Variants in ERLIN2 observed in about 807,000 individuals in gnomAD.
ERLIN2 encodes the protein ER lipid raft associated 2.
A neutral mutation model predicts 41.5 loss-of-function variants in ERLIN2; 22 were observed. That is an observed-to-expected ratio of 0.53 (90% CI 0.38 to 0.76). The LOEUF (loss-of-function observed/expected upper bound fraction) is 0.76. ERLIN2 is among the 30% of genes least tolerant of loss of function. The pLI, the probability that ERLIN2 is intolerant of heterozygous loss-of-function variation, is 0.00. For missense variants in ERLIN2, 247 were observed against 414.3 expected (o/e 0.60, Z 3.51); for synonymous variants, 149 against 150.9 (o/e 0.99, Z 0.09).
At chr8:37,753,388 A>G in intron 10 of ERLIN2, 62 bp from the exon 11 acceptor site, 1 of 1,399,106 alleles carries the variant, frequency 7.1e-7, no homozygotes, top group Non-Finnish European at 1.0e-6. Context: ...TAGCCTCTGC[A>G]CTTCCTGCAA....
At chr8:37,750,257 C>T in intron 8 of ERLIN2, 138 bp from the exon 9 acceptor site, 1 of 713,236 alleles carries the variant, frequency 1.4e-6, no homozygotes, top group Non-Finnish European at 2.5e-6. Context: ...TCAGCTTTTA[C>T]CTGGGCCATC....
At chr8:37,752,848 T>C (rs1405654606) in intron 10 of ERLIN2, among the ~76,000 whole-genome samples, 1 of 152,232 alleles carries the variant, frequency 6.6e-6, no homozygotes, top group Non-Finnish European at 1.5e-5. Context: ...TGTAATTCTC[T>C]CTCAGAATCG....
At chr8:37,751,404 T>C (rs1424416707) in intron 9 of ERLIN2, among the ~76,000 whole-genome samples, 2 of 152,264 alleles carry the variant, frequency 1.3e-5, no homozygotes, top group Non-Finnish European at 2.9e-5. Flanking sequence ...TTAGGGCTCA[T>C]GCTTCCTATG....
chr8:37,744,913 C>G (rs1006155487), intron 6 of ERLIN2: 2 of 691,912 alleles, frequency 2.9e-6, no homozygotes, highest in African/African-American at 3.5e-5. Flanking sequence ...GCTTTGGGCA[C>G]AGGGACCATA....
At chr8:37,746,276 AT>A (rs1474333557) in intron 6 of ERLIN2, 4 of 985,314 alleles carry the variant, frequency 4.1e-6, no homozygotes, top group Non-Finnish European at 4.8e-6. Context: ...AAGCTGCATA[AT>A]TTTCATCACT....
chr8:37,744,440 A>G (rs1195307097), intron 5 of ERLIN2, 24 bp downstream of exon 5: 2 of 1,612,384 alleles, frequency 1.2e-6, no homozygotes, highest in South Asian at 2.2e-5. Context: ...GTTTATTCCC[A>G]CCACCAGCTC....
chr8:37,750,087 G>C, intron 8 of ERLIN2: 1 of 631,422 alleles, frequency 1.6e-6, no homozygotes, highest in Non-Finnish European at 2.8e-6. Flanking sequence ...TTTGAAAAGG[G>C]CCAGGGGGCC....
rs1274046025 is a variant in ERLIN2, at chr8:37,755,380, A to T, written c.*1265A>T. 1.3e-5 allele frequency: 2 copies of T among 152,242 alleles called. No homozygotes were observed. The highest frequency in any genetic ancestry group is 4.8e-5 in the African/African-American group (2 of 41,444). 9.4% of individuals were successfully genotyped at this position (152,242 alleles called of 1,614,324 possible). A position where few individuals can be genotyped will look rare whatever the true frequency, so the allele number is the denominator to read the frequency against. ...AGGATGGGGAGAGCAAATTTGAACA[A>T]AAGGTTTTTCTTATATCCTGAGATT... is the stretch of plus-strand genomic sequence containing the variant. On this transcript the variant is annotated 3_prime_UTR_variant, in exon 12 of 12. Transcript: ENST00000519638.
intron 4 of ERLIN2, among the ~76,000 whole-genome samples, chr8:37,742,789 C>T (rs568932943): frequency 1.3e-3 from 200 of 152,202 alleles, no homozygotes; most frequent in African/African-American, 4.4e-3. Flanking sequence ...ACCTGCACAT[C>T]CTGCACATGT....
Position 37,756,752 on chromosome 8 carries a change from TA to T in ERLIN2, c.*2641del, listed in dbSNP as rs1209218434. On this transcript the variant is annotated 3_prime_UTR_variant, in exon 12 of 12. Coordinates refer to ENST00000519638, the MANE Select transcript of ERLIN2 (RefSeq NM_007175.8). ...TTAAAACATTTGAATTCTAAACATG[TA>T]AAATGTGACAGCCTGCAATTTTGTA... 2.6e-5 allele frequency: 4 copies of T among 152,766 alleles called. No homozygotes were observed. The highest frequency in any genetic ancestry group is 9.6e-5 in the African/African-American group (4 of 41,578). 9.5% of individuals were successfully genotyped at this position (152,766 alleles called of 1,614,324 possible).
At chr8:37,745,467 C>T in intron 6 of ERLIN2, 5 of 1,129,598 alleles carry the variant, frequency 4.4e-6, no homozygotes, top group Non-Finnish European at 6.7e-6. Context: ...AACTTGTTTG[C>T]AGTCAAGTAT....
At position 37,757,642 on chromosome 8, in the gene ERLIN2, T is replaced by A. The variant is rs889897811; in HGVS notation, c.*3527T>A. 3.3e-5 allele frequency: 5 copies of A among 152,254 alleles called. No individual in the cohort carries two copies. The highest frequency in any genetic ancestry group is 4.8e-5 in the African/African-American group (2 of 41,454). The allele number at this position is 152,254 out of a possible 1,614,324, so 9.4% of individuals were successfully genotyped here. On this transcript the variant is annotated 3_prime_UTR_variant, in exon 12 of 12. Transcript: ENST00000519638. ...ATTTATGTCTTAGTTTTATTTGCAG[T>A]CTTGCTAAGTAAAATGAGTCTTTGT...
intron 8 of ERLIN2, 130 bp from the exon 9 acceptor site, chr8:37,750,265 A>G (rs2129713414): frequency 2.7e-6 from 2 of 736,404 alleles, no homozygotes; most frequent in East Asian, 5.4e-5. Context: ...TACCTGGGCC[A>G]TCGAACAGCC....
chr8:37,757,504 T>C lies in ERLIN2; in HGVS notation c.*3389T>C, dbSNP rs1803387571. ...AGCCCCAAGGGCTTAATGACCCCAT[T>C]TGTAACTGAGAAATGATTCTTGTTT... On this transcript the variant is annotated 3_prime_UTR_variant, in exon 12 of 12. Transcript: ENST00000519638. 1 of 152,170 alleles carries C rather than the reference T, an allele frequency of 6.6e-6. No homozygotes were observed. The highest frequency in any genetic ancestry group is 6.5e-5 in the Admixed American group (1 of 15,276). 9.4% of individuals were successfully genotyped at this position (152,170 alleles called of 1,614,324 possible). A position where few individuals can be genotyped will look rare whatever the true frequency, so the allele number is the denominator to read the frequency against.
At chr8:37,737,785 C>A in intron 1 of ERLIN2, 123 bp from the exon 2 acceptor site, 2 of 1,131,288 alleles carry the variant, frequency 1.8e-6, no homozygotes, top group Non-Finnish European at 2.6e-6. Context: ...GCCTTGTGTT[C>A]ACACGACACC....
At chr8:37,740,276 G>T in intron 2 of ERLIN2, 89 bp from the exon 3 acceptor site, 1 of 859,310 alleles carries the variant, frequency 1.2e-6, no homozygotes, top group Non-Finnish European at 2.0e-6. Context: ...TGTTTATAGG[G>T]CTGAAGGGAA....
rs1355195427 is a variant in ERLIN2 at position 37,757,014 on chromosome 8, A to C, written c.*2899A>C. On this transcript the variant is annotated 3_prime_UTR_variant, in exon 12 of 12. Transcript: ENST00000519638. ...TATTAATAATTTTTATATAACTAAA[A>C]TAAAATAGATGTGGAGGGATCTGTG... 1 of 152,222 alleles carries C rather than the reference A, an allele frequency of 6.6e-6. No homozygotes were observed. The highest frequency in any genetic ancestry group is 2.4e-5 in the African/African-American group (1 of 41,462). The allele number at this position is 152,222 out of a possible 1,614,324, so 9.4% of individuals were successfully genotyped here. A position where few individuals can be genotyped will look rare whatever the true frequency, so the allele number is the denominator to read the frequency against.
chr8:37,747,289 T>C (rs1803082652), intron 6 of ERLIN2: 1 of 839,264 alleles, frequency 1.2e-6, no homozygotes, highest in African/African-American at 1.7e-5. Context: ...CTTTGTCTCC[T>C]GATCTAAATG....
intron 6 of ERLIN2, chr8:37,747,921 A>G (rs1350286381): frequency 1.2e-6 from 2 of 1,614,168 alleles, no homozygotes; most frequent in East Asian, 4.5e-5. Context: ...AGTAGTACAC[A>G]TGGAGGGGCT....
Sources: gnomAD v4.1 joint callset for allele counts (sites outside exome capture counted in the v4.1 genomes callset) on GRCh38, gnomAD v4.1.1 for gene constraint, MANE v1.5 for transcripts, NCBI Gene and HGNC (gene_info 2026-07-23, HGNC 2026-07-21) for gene names.